The following GALNT1 variants were observed in gnomAD, a reference collection of about 807,000 sequenced individuals.
GALNT1 encodes the protein GalNAc transferase 1.
Under a neutral mutation model 65.7 loss-of-function variants are expected in GALNT1, and 17 were observed. That is an observed-to-expected ratio of 0.26 (90% CI 0.18 to 0.39). The LOEUF is 0.39. GALNT1 is among the 10% of genes least tolerant of loss of function. The pLI is 1.00. For synonymous variants in GALNT1, 210 were observed against 219.7 expected (o/e 0.96, Z 0.39); for missense variants, 460 against 672.8 (o/e 0.68, Z 3.50).
At chr18:35,601,493 CTTG>C (rs2046582165) in intron 1 of GALNT1, among the ~76,000 whole-genome samples, 1 of 150,806 alleles carries the variant, frequency 6.6e-6, no homozygotes, top group African/African-American at 2.4e-5. Context: ...AATTTTTGTT[CTTG>C]TTTTTCTAGT....
At chr18:35,602,910 G>A (rs2046599753) in intron 1 of GALNT1, among the ~76,000 whole-genome samples, 1 of 152,154 alleles carries the variant, frequency 6.6e-6, no homozygotes, top group Non-Finnish European at 1.5e-5. Flanking sequence ...GCTGTTTCTT[G>A]TGGATGTATG....
intron 5 of GALNT1, among the ~76,000 whole-genome samples, chr18:35,685,377 A>G (rs1228109764): frequency 6.6e-6 from 1 of 152,176 alleles, no homozygotes; most frequent in African/African-American, 2.4e-5. Flanking sequence ...GATCACTCCC[A>G]TAGATAATGA....
chr18:35,689,685 A>T lies in GALNT1; in HGVS notation c.978+395A>T, dbSNP rs540282004. ...ATATGCTTTTTATTTTAGTGTGAAA[A>T]TTTTTTTTATATAAAACCTAGTCAC... On this transcript the variant is annotated intron_variant, in intron 7 of 11. Transcript: ENST00000269195. 7.1e-3 allele frequency among the ~76,000 whole-genome samples: 1,084 copies of T among 152,110 alleles called. 13 individuals carry two copies. Among genetic ancestry groups the T allele is most frequent in the African/African-American group, 0.024 (1,006 of 41,496 alleles).
chr18:35,640,270 A>G lies in GALNT1; in HGVS notation c.-103-14290A>G, dbSNP rs1280080596. 2.6e-5 allele frequency among the ~76,000 whole-genome samples: 4 copies of G among 152,348 alleles called. No individual in the cohort carries two copies. The East Asian group carries it at 5.8e-4, about 22-fold the overall frequency. ...TTTTCAATATGTTATTAATACTAGA[A>G]ATCTTCGCAAGGTAGCTGAATTTAA... On this transcript the variant is annotated intron_variant, in intron 1 of 11. Coordinates refer to ENST00000269195, the MANE Select transcript of GALNT1 (RefSeq NM_020474.4).
chr18:35,703,782 G>A lies in GALNT1; in HGVS notation c.1533+139G>A, dbSNP rs142194270. ...TCTTATACACTAAATATTGACAGGCGGGAAAAATAAGTAAAATAAATGTGT... is the reference window on the plus strand; with the variant it reads ...TCTTATACACTAAATATTGACAGGCAGGAAAAATAAGTAAAATAAATGTGT... On this transcript the variant is annotated intron_variant, in intron 11 of 11. Transcript: ENST00000269195. The A allele has an allele frequency of 9.5e-5, 75 of 785,796 alleles. No individual in the cohort carries two copies. The East Asian group carries it at 1.0e-3, about 11-fold the overall frequency. The allele number at this position is 785,796 out of a possible 1,614,324, so 48.7% of individuals were successfully genotyped here. A position where few individuals can be genotyped will look rare whatever the true frequency, so the allele number is the denominator to read the frequency against.
At chr18:35,628,823 A>T (rs1393257467) in intron 1 of GALNT1, among the ~76,000 whole-genome samples, 1 of 152,230 alleles carries the variant, frequency 6.6e-6, no homozygotes. Flanking sequence ...CCTTGAAAAA[A>T]GATTAGACGA....
chr18:35,646,194 A>C (rs1598794002), intron 1 of GALNT1, among the ~76,000 whole-genome samples: 1 of 152,150 alleles, frequency 6.6e-6, no homozygotes, highest in South Asian at 2.1e-4. Context: ...GAAGTGCCAC[A>C]CATTTGTAAA....
chr18:35,709,576 G>A, intron 11 of GALNT1, 48 bp from the exon 12 acceptor site: 1 of 1,594,790 alleles, frequency 6.3e-7, no homozygotes, highest in Non-Finnish European at 8.6e-7. Context: ...TGATGCTTGA[G>A]GTGTTTTGTT....
intron 1 of GALNT1, among the ~76,000 whole-genome samples, chr18:35,632,325 CA>C (rs2047025464): frequency 6.6e-6 from 1 of 152,142 alleles, no homozygotes; most frequent in Admixed American, 6.5e-5. Flanking sequence ...GTAACCAAAA[CA>C]GCATGGTACT....
At chr18:35,624,849 T>C (rs1158126182) in intron 1 of GALNT1, among the ~76,000 whole-genome samples, 1 of 152,196 alleles carries the variant, frequency 6.6e-6, no homozygotes, top group Non-Finnish European at 1.5e-5. Flanking sequence ...ACATGATACG[T>C]TTTCTGGCAT....
chr18:35,603,647 G>A (rs2046609305), intron 1 of GALNT1, among the ~76,000 whole-genome samples: 1 of 152,076 alleles, frequency 6.6e-6, no homozygotes, highest in Admixed American at 6.5e-5. Flanking sequence ...GGAAACCCTG[G>A]CTGTCCTCGT....
At chr18:35,630,553 A>C (rs1371354246) in intron 1 of GALNT1, among the ~76,000 whole-genome samples, 1 of 152,228 alleles carries the variant, frequency 6.6e-6, no homozygotes, top group Non-Finnish European at 1.5e-5. Flanking sequence ...CATTTAAAGC[A>C]GTGTGTAGAG....
chr18:35,700,075 C>T (rs899254133), intron 9 of GALNT1, among the ~76,000 whole-genome samples: 1 of 152,166 alleles, frequency 6.6e-6, no homozygotes, highest in African/African-American at 2.4e-5. Context: ...ACAAAACTTA[C>T]CCCATAGTCA....
chr18:35,635,440 C>T (rs564149840), intron 1 of GALNT1, among the ~76,000 whole-genome samples: 1 of 152,278 alleles, frequency 6.6e-6, no homozygotes, highest in East Asian at 1.9e-4. Context: ...GACTCACTGC[C>T]TGGAGCATAC....
At chr18:35,622,502 C>A (rs1233383523) in intron 1 of GALNT1, among the ~76,000 whole-genome samples, 1 of 152,054 alleles carries the variant, frequency 6.6e-6, no homozygotes, top group Admixed American at 6.6e-5. Flanking sequence ...TACTCTTTGC[C>A]TCAGCCTCCA....
In GALNT1 at chr18:35,687,198, G is replaced by T. The variant is rs1249348912; in HGVS notation, c.860+12G>T. 1 of 1,608,660 alleles carries T rather than the reference G, an allele frequency of 6.2e-7. No homozygotes were observed. Among genetic ancestry groups the T allele is most frequent in the South Asian group, 1.1e-5 (1 of 89,946 alleles). On this transcript the variant is annotated intron_variant, in intron 6 of 11. Coordinates refer to ENST00000269195, the MANE Select transcript of GALNT1 (RefSeq NM_020474.4). ...ACTCTTCCTGTCAGGTAATTAATTT[G>T]TCAGACATTTTGCCTAAAGTGTTAT...
chr18:35,690,332 G>A (rs770818477), intron 7 of GALNT1, among the ~76,000 whole-genome samples: 4 of 152,188 alleles, frequency 2.6e-5, no homozygotes, highest in South Asian at 2.1e-4. Context: ...AAGCCGTGAC[G>A]CAGGTTTGGA....
intron 1 of GALNT1, among the ~76,000 whole-genome samples, chr18:35,613,888 A>G (rs2046750241): frequency 2.0e-5 from 3 of 152,160 alleles, no homozygotes; most frequent in South Asian, 2.1e-4. Flanking sequence ...AAAAAAAACA[A>G]CCAAGCCAAG....
At chr18:35,615,778 C>T (rs1426548507) in intron 1 of GALNT1, among the ~76,000 whole-genome samples, 1 of 152,118 alleles carries the variant, frequency 6.6e-6, no homozygotes, top group Non-Finnish European at 1.5e-5. Context: ...AAATGAATAG[C>T]CAGTAAACAG....
Sources: allele counts gnomAD v4.1 joint callset (sites outside exome capture counted in the v4.1 genomes callset), GRCh38; gene constraint gnomAD v4.1.1; transcripts MANE v1.5; gene names NCBI Gene and HGNC (gene_info 2026-07-23, HGNC 2026-07-21).